ARID3B: variants seen among roughly 807,000 people sequenced by gnomAD.
The protein encoded by ARID3B is AT-rich interactive domain-containing protein 3B.
Under a neutral mutation model 51.9 loss-of-function variants are expected in ARID3B, and 10 were observed. The observed-to-expected ratio is 0.19, with a 90% CI of 0.12 to 0.33. The LOEUF (loss-of-function observed/expected upper bound fraction) is 0.33, where lower values mean the gene tolerates loss of function less well. ARID3B is among the 10% of genes least tolerant of loss of function. ARID3B has a pLI of 1.00. For missense variants in ARID3B, 483 were observed against 716.3 expected (o/e 0.67, Z 3.72); for synonymous variants, 205 against 279.5 (o/e 0.73, Z 2.66).
intron 4 of ARID3B, among the ~76,000 whole-genome samples, chr15:74,588,299 C>G (rs1014894508): frequency 2.4e-4 from 36 of 151,910 alleles, no homozygotes; most frequent in African/African-American, 8.7e-4. Flanking sequence ...ATATCCATGC[C>G]CACAGTGCTT....
chr15:74,579,865 GTGTGTGTGCGC>G, intron 4 of ARID3B, among the ~76,000 whole-genome samples: 1 of 134,684 alleles, frequency 7.4e-6, no homozygotes, highest in African/African-American at 3.3e-5. Flanking sequence ...GTGTGTGTGT[GTGTGTGTGCGC>G]GCGCGCGCAC....
chr15:74,553,403 C>T (rs775967575), intron 2 of ARID3B, among the ~76,000 whole-genome samples: 5 of 152,308 alleles, frequency 3.3e-5, no homozygotes, highest in Non-Finnish European at 5.9e-5. Context: ...TAAATGCATT[C>T]AAGGCTATAG....
chr15:74,571,163 C>T (rs1271666912), intron 2 of ARID3B, among the ~76,000 whole-genome samples: 1 of 152,160 alleles, frequency 6.6e-6, no homozygotes, highest in Non-Finnish European at 1.5e-5. Flanking sequence ...CATCTCAGAG[C>T]CCACTGTGAA....
intron 1 of ARID3B, 106 bp from the exon 2 acceptor site, chr15:74,543,754 G>T: frequency 1.4e-6 from 1 of 693,718 alleles, no homozygotes; most frequent in Non-Finnish European, 2.3e-6. Flanking sequence ...TATGTTTAGC[G>T]TTCGGAACTC....
intron 2 of ARID3B, among the ~76,000 whole-genome samples, chr15:74,547,002 G>T (rs932903650): frequency 1.3e-5 from 2 of 151,808 alleles, no homozygotes; most frequent in African/African-American, 4.8e-5. Flanking sequence ...ATATTCTTGG[G>T]GAGAGCCTAT....
In ARID3B at chr15:74,597,800, C is replaced by T. The variant is rs867297884; in HGVS notation, c.*2026C>T. ...CCCCAGGCAGCTCGCCTGGCCACAC[C>T]GTTGGAGTGAACCCTCACTGCCCTC... On this transcript the variant is annotated 3_prime_UTR_variant, in exon 9 of 9. Coordinates refer to ENST00000346246, the MANE Select transcript of ARID3B (RefSeq NM_006465.4). The T allele has an allele frequency of 9.3e-5, 44 of 473,134 alleles. No homozygotes were observed. Among genetic ancestry groups the T allele is most frequent in the Non-Finnish European group, 1.1e-4 (27 of 244,948 alleles). 29.3% of individuals were successfully genotyped at this position (473,134 alleles called of 1,614,324 possible).
At chr15:74,550,708 A>T (rs2061633595) in intron 2 of ARID3B, among the ~76,000 whole-genome samples, 1 of 148,268 alleles carries the variant, frequency 6.7e-6, no homozygotes, top group Non-Finnish European at 1.5e-5. Flanking sequence ...GTCCATCTCA[A>T]AAAAAAAAAA....
Position 74,591,881 on chromosome 15 carries a change from C to A in ARID3B, c.1420+67C>A. On this transcript the variant is annotated intron_variant, in intron 7 of 8. Transcript: ENST00000346246. The surrounding 1 kb of genome is among the most constrained non-coding windows in gnomAD (Gnocchi z 5.8). ...CCAAGCCCATTCACGCCTCCTGGGACTGGTGGGGCAGGGGTGGTGAGGCAC... is the reference window on the plus strand; with the variant it reads ...CCAAGCCCATTCACGCCTCCTGGGAATGGTGGGGCAGGGGTGGTGAGGCAC... 6 of 1,570,900 alleles carry A rather than the reference C, an allele frequency of 3.8e-6. No homozygotes were observed. The highest frequency in any genetic ancestry group is 5.2e-6 in the Non-Finnish European group (6 of 1,155,674).
intron 2 of ARID3B, among the ~76,000 whole-genome samples, chr15:74,571,205 C>G (rs1283811549): frequency 6.6e-6 from 1 of 152,238 alleles, no homozygotes; most frequent in Non-Finnish European, 1.5e-5. Context: ...CAAAATATAA[C>G]TGCATAATGC....
chr15:74,544,542 G>C (rs894909137), intron 2 of ARID3B, 54 bp downstream of exon 2: 1 of 1,556,710 alleles, frequency 6.4e-7, no homozygotes, highest in Non-Finnish European at 8.7e-7. Context: ...CCAGAGAGGG[G>C]TCATGGACTG....
chr15:74,572,804 T>C, intron 2 of ARID3B, 58 bp from the exon 3 acceptor site: 2 of 1,541,732 alleles, frequency 1.3e-6, no homozygotes, highest in Non-Finnish European at 1.8e-6. Flanking sequence ...CCTTGCCCTC[T>C]GTCCTAACTC....
chr15:74,573,607 A>G (rs1230161701), intron 4 of ARID3B: 1 of 236,398 alleles, frequency 4.2e-6, no homozygotes, highest in Non-Finnish European at 8.3e-6. Context: ...GCCCCTCAGG[A>G]TATTTTGGAA....
chr15:74,591,893 G>A lies in ARID3B; in HGVS notation c.1420+79G>A. The A allele has an allele frequency of 6.4e-7, 1 of 1,556,228 alleles. No homozygotes were observed. Among genetic ancestry groups the A allele is most frequent in the Middle Eastern group, 1.9e-4 (1 of 5,292 alleles). On this transcript the variant is annotated intron_variant, in intron 7 of 8. Transcript: ENST00000346246. The surrounding 1 kb of genome is among the most constrained non-coding windows in gnomAD (Gnocchi z 5.8). The stretch of plus-strand genomic sequence containing the variant: ...ACGCCTCCTGGGACTGGTGGGGCAG[G>A]GGTGGTGAGGCACATACTCCTGACC...
intron 5 of ARID3B, 25 bp downstream of exon 5, chr15:74,590,028 G>C (rs777120193): frequency 1.2e-5 from 19 of 1,573,930 alleles, no homozygotes; most frequent in Admixed American, 1.8e-5. Context: ...CCTGGGAGAA[G>C]GAAGCTGAGG....
intron 2 of ARID3B, among the ~76,000 whole-genome samples, chr15:74,563,931 G>A (rs895374203): frequency 1.6e-4 from 24 of 152,136 alleles, no homozygotes; most frequent in Non-Finnish European, 1.8e-4. Flanking sequence ...AGGTGGGACC[G>A]CTGCCCTCTC....
At chr15:74,586,839 C>T (rs1426765455) in intron 4 of ARID3B, among the ~76,000 whole-genome samples, 1 of 152,186 alleles carries the variant, frequency 6.6e-6, no homozygotes, top group African/African-American at 2.4e-5. Context: ...TAGAGAAGGA[C>T]AATTTGCTAA....
chr15:74,593,106 G>T, intron 7 of ARID3B, 32 bp from the exon 8 acceptor site: 2 of 1,604,090 alleles, frequency 1.2e-6, no homozygotes, highest in South Asian at 2.2e-5. Context: ...TGGAAGGCTT[G>T]ACCAGGCCCA....
intron 2 of ARID3B, among the ~76,000 whole-genome samples, chr15:74,548,055 C>T (rs559288767): frequency 6.6e-6 from 1 of 152,252 alleles, no homozygotes. Flanking sequence ...TCTCTGACAC[C>T]ACAGTGATGG....
chr15:74,552,056 C>CTTTTTTTTTTTTTTTTTTTTTTTTT (rs869096001), intron 2 of ARID3B, among the ~76,000 whole-genome samples: 2 of 102,630 alleles, frequency 1.9e-5, no homozygotes, highest in African/African-American at 4.1e-5. Context: ...TCTTTCTTTC[C>CTTTTTTTTTTTTTTTTTTTTTTTTT]TTTTTTTTTT....
Sources: allele counts gnomAD v4.1 joint callset (sites outside exome capture counted in the v4.1 genomes callset), GRCh38; gene constraint gnomAD v4.1.1; non-coding constraint Gnocchi (gnomAD v3.1); transcripts MANE v1.5; gene names NCBI Gene and HGNC (gene_info 2026-07-23, HGNC 2026-07-21).